The following VEGFC variants were observed in gnomAD, a reference collection of about 807,000 sequenced individuals.
VEGFC encodes vascular endothelial growth factor C, also known as FLT4 ligand DHM.
A neutral mutation model predicts 46.1 loss-of-function variants in VEGFC; 12 were observed. That is an observed-to-expected ratio of 0.26 (90% CI 0.17 to 0.42). The LOEUF (loss-of-function observed/expected upper bound fraction) is 0.42. Ranked by LOEUF, VEGFC falls within the 10% of genes least tolerant of loss-of-function variation. The pLI is 1.00. For missense variants in VEGFC, 488 were observed against 529.4 expected (o/e 0.92, Z 0.77); for synonymous variants, 232 against 195.5 (o/e 1.19, Z -1.56).
chr4:176,746,762 A>G (rs987117419), intron 1 of VEGFC, among the ~76,000 whole-genome samples: 3 of 152,114 alleles, frequency 2.0e-5, no homozygotes, highest in African/African-American at 7.2e-5. Context: ...TAAATTCACA[A>G]TAGCACACAA....
intron 3 of VEGFC, among the ~76,000 whole-genome samples, chr4:176,716,871 A>T (rs971067186): frequency 1.1e-4 from 17 of 149,534 alleles, no homozygotes; most frequent in Non-Finnish European, 1.9e-4. Context: ...AATATGAATC[A>T]TGATACTATT....
At chr4:176,740,186 T>C (rs1735139589) in intron 1 of VEGFC, among the ~76,000 whole-genome samples, 1 of 122,692 alleles carries the variant, frequency 8.2e-6, no homozygotes, top group Admixed American at 9.1e-5. Context: ...TATATATAAC[T>C]ATATATTCTA....
Position 176,687,458 on chromosome 4 carries a change from G to T in VEGFC, c.874C>A (p.Gln292Lys). The T allele has an allele frequency of 6.2e-7, 1 of 1,614,028 alleles. No homozygotes were observed. Among genetic ancestry groups the T allele is most frequent in the South Asian group, 1.1e-5 (1 of 91,066 alleles). ...CGAAGCCCCGCTCTGCAGACACACTGACAGGTCTCTTCATCCAGCTCCTTG... is the reference window on the plus strand; with the variant it reads ...CGAAGCCCCGCTCTGCAGACACACTTACAGGTCTCTTCATCCAGCTCCTTG... ...PNKELDEETC[Q>K]CVCRAGLRPA... The change falls in exon 6 of 7, where the codon CAG (glutamine) becomes AAG (lysine). Residue 292 changes from glutamine to lysine, a missense_variant. By Grantham distance (53) the Gln-to-Lys change is moderately conservative. Transcript: ENST00000618562.
intron 1 of VEGFC, among the ~76,000 whole-genome samples, chr4:176,748,882 T>A (rs1281869172): frequency 6.6e-6 from 1 of 151,930 alleles, no homozygotes; most frequent in African/African-American, 2.4e-5. Context: ...TGAAGATTTA[T>A]GATGAATGAG....
At chr4:176,700,413 GAA>G (rs34323890) in intron 4 of VEGFC, among the ~76,000 whole-genome samples, 3 of 139,648 alleles carry the variant, frequency 2.1e-5, no homozygotes, top group African/African-American at 2.6e-5. Flanking sequence ...TGAGACTCTC[GAA>G]AAAAAAAAAA....
At chr4:176,726,164 C>A (rs1403779695) in intron 3 of VEGFC, among the ~76,000 whole-genome samples, 1 of 152,018 alleles carries the variant, frequency 6.6e-6, no homozygotes, top group Non-Finnish European at 1.5e-5. Context: ...GTTAGTCTAT[C>A]AAAAATATTA....
chr4:176,786,111 A>G (rs1735998542), intron 1 of VEGFC, among the ~76,000 whole-genome samples: 1 of 152,160 alleles, frequency 6.6e-6, no homozygotes, highest in South Asian at 2.1e-4. Context: ...CTGCAGTTGA[A>G]AATGGCTTCT....
intron 5 of VEGFC, 145 bp from the exon 6 acceptor site, chr4:176,687,665 G>GT: frequency 1.0e-6 from 1 of 986,162 alleles, no homozygotes; most frequent in East Asian, 2.6e-5. Flanking sequence ...TTATAAAGGA[G>GT]TTCAAAATAA....
At chr4:176,731,075 A>G (rs1249947265) in intron 1 of VEGFC, among the ~76,000 whole-genome samples, 1 of 152,060 alleles carries the variant, frequency 6.6e-6, no homozygotes, top group East Asian at 1.9e-4. Flanking sequence ...AAAAATATTT[A>G]TATTATTCCA....
intron 4 of VEGFC, among the ~76,000 whole-genome samples, chr4:176,705,415 T>C (rs1318957109): frequency 6.6e-6 from 1 of 152,206 alleles, no homozygotes; most frequent in African/African-American, 2.4e-5. Flanking sequence ...CTAAAGAGAA[T>C]TGCTACTTCC....
chr4:176,709,619 G>A (rs1734588607), intron 4 of VEGFC, among the ~76,000 whole-genome samples: 1 of 152,292 alleles, frequency 6.6e-6, no homozygotes, highest in South Asian at 2.1e-4. Flanking sequence ...AGCAGGAAAT[G>A]AGCTTGGCGT....
At chr4:176,753,846 G>C (rs1215332501) in intron 1 of VEGFC, among the ~76,000 whole-genome samples, 1 of 151,994 alleles carries the variant, frequency 6.6e-6, no homozygotes. Flanking sequence ...AATTGACTAG[G>C]ATTATGTGGT....
intron 1 of VEGFC, among the ~76,000 whole-genome samples, chr4:176,742,936 T>C (rs1242402138): frequency 6.6e-6 from 1 of 152,064 alleles, no homozygotes; most frequent in Non-Finnish European, 1.5e-5. Flanking sequence ...GTTGAGACAG[T>C]AGTCATTCTG....
intron 4 of VEGFC, chr4:176,689,296 T>TA (rs1734105456): frequency 6.6e-6 from 1 of 152,204 alleles, no homozygotes; most frequent in African/African-American, 2.4e-5. Flanking sequence ...TTTGCAGACA[T>TA]ACTCAGTGTG....
chr4:176,720,348 C>T (rs1401824234), intron 3 of VEGFC, among the ~76,000 whole-genome samples: 1 of 152,098 alleles, frequency 6.6e-6, no homozygotes, highest in Non-Finnish European at 1.5e-5. Flanking sequence ...TACATCAAAC[C>T]TTCTGGTATC....
intron 4 of VEGFC, among the ~76,000 whole-genome samples, chr4:176,702,803 C>T (rs1357773719): frequency 1.3e-5 from 2 of 151,930 alleles, no homozygotes; most frequent in African/African-American, 4.8e-5. Context: ...ATATTGACTT[C>T]CCTATAGTAC....
chr4:176,736,639 T>C (rs1024640650), intron 1 of VEGFC, among the ~76,000 whole-genome samples: 1 of 151,800 alleles, frequency 6.6e-6, no homozygotes, highest in African/African-American at 2.4e-5. Flanking sequence ...TTTAAATTTA[T>C]ACACATTTAA....
At chr4:176,704,164 T>C (rs984838072) in intron 4 of VEGFC, among the ~76,000 whole-genome samples, 1 of 152,170 alleles carries the variant, frequency 6.6e-6, no homozygotes, top group African/African-American at 2.4e-5. Flanking sequence ...ATTCCGATTG[T>C]TCTGATTGCT....
In VEGFC at chr4:176,759,189, T is replaced by C. The variant is rs1275948547; in HGVS notation, c.148-29443A>G. On this transcript the variant is annotated intron_variant, in intron 1 of 6. Coordinates refer to ENST00000618562, the MANE Select transcript of VEGFC (RefSeq NM_005429.5). ...ACTTATGTTTAGAAATTAAATGTAATAGACTACCCTTTGGAAAGACTTCTT... is the reference window on the plus strand; with the variant it reads ...ACTTATGTTTAGAAATTAAATGTAACAGACTACCCTTTGGAAAGACTTCTT... Among the ~76,000 whole-genome samples, 7 of 152,138 alleles carry C rather than the reference T, an allele frequency of 4.6e-5. No homozygotes were observed. The East Asian group carries it at 1.3e-3, about 29-fold the overall frequency.
Sources: gnomAD v4.1 joint callset for allele counts (sites outside exome capture counted in the v4.1 genomes callset) on GRCh38, gnomAD v4.1.1 for gene constraint, MANE v1.5 for transcripts, NCBI Gene and HGNC (gene_info 2026-07-23, HGNC 2026-07-21) for gene names.